The following DISC1 variants were observed in gnomAD, a reference collection of about 807,000 sequenced individuals.
DISC1 encodes DISC1 scaffold protein, also known as disrupted in schizophrenia 1 protein.
In DISC1, 57 loss-of-function variants were observed where a neutral mutation model predicts 84.5. That is an observed-to-expected ratio of 0.67 (90% CI 0.55 to 0.84). DISC1 has a LOEUF of 0.84. Ranked by LOEUF, DISC1 falls within the 40% of genes least tolerant of loss-of-function variation. The pLI, the probability that DISC1 is intolerant of heterozygous loss-of-function variation, is 0.00. For missense variants in DISC1, 1,000 were observed against 1,057.8 expected (o/e 0.95, Z 0.76); for synonymous variants, 411 against 415.2 (o/e 0.99, Z 0.12).
intron 9 of DISC1, among the ~76,000 whole-genome samples, chr1:231,905,189 C>T (rs148926703): frequency 3.9e-5 from 6 of 152,312 alleles, no homozygotes; most frequent in African/African-American, 1.4e-4. Flanking sequence ...AGCACCATGA[C>T]ATCAGATCTG....
chr1:231,866,070 C>T (rs2085032028), intron 9 of DISC1, among the ~76,000 whole-genome samples: 1 of 152,124 alleles, frequency 6.6e-6, no homozygotes, highest in African/African-American at 2.4e-5. Context: ...ACTCATTACT[C>T]CTGTGTCCAG....
chr1:231,907,138 T>C (rs1416004057), intron 9 of DISC1, among the ~76,000 whole-genome samples: 2 of 56,884 alleles, frequency 3.5e-5, no homozygotes, highest in African/African-American at 1.6e-4. Flanking sequence ...TTCCTCTTTC[T>C]TTCTTTCTTT....
At chr1:231,892,305 A>G (rs193293943) in intron 9 of DISC1, among the ~76,000 whole-genome samples, 14 of 152,342 alleles carry the variant, frequency 9.2e-5, no homozygotes, top group Admixed American at 2.0e-4. Context: ...TGAAACACAG[A>G]GAATTCTTGG....
chr1:232,013,603 A>C (rs974284404), intron 11 of DISC1, among the ~76,000 whole-genome samples: 1 of 152,186 alleles, frequency 6.6e-6, no homozygotes, highest in Admixed American at 6.5e-5. Flanking sequence ...AGGAAAAACT[A>C]TTTTTATGCT....
intron 3 of DISC1, among the ~76,000 whole-genome samples, chr1:231,730,763 C>T (rs1183718928): frequency 6.6e-6 from 1 of 152,114 alleles, no homozygotes; most frequent in Non-Finnish European, 1.5e-5. Context: ...TAATAAACTT[C>T]AGTTTTCAGT....
At chr1:231,862,465 T>G (rs2125926483) in intron 9 of DISC1, among the ~76,000 whole-genome samples, 1 of 152,382 alleles carries the variant, frequency 6.6e-6, no homozygotes, top group South Asian at 2.1e-4. Flanking sequence ...AATAGTCTGC[T>G]TATGAAAGAA....
intron 1 of DISC1, 96 bp downstream of exon 1, chr1:231,627,030 GC>G: frequency 3.5e-6 from 3 of 861,468 alleles, no homozygotes; most frequent in Non-Finnish European, 5.1e-6. Context: ...GTCAGGGCGT[GC>G]CTCTGTTAAC....
intron 1 of DISC1, among the ~76,000 whole-genome samples, chr1:231,635,527 A>G (rs767539571): frequency 2.0e-5 from 3 of 152,216 alleles, no homozygotes; most frequent in African/African-American, 2.4e-5. Flanking sequence ...TCTGACTCCA[A>G]TGTAGACTTC....
chr1:231,816,669 T>G (rs1390933179), intron 8 of DISC1, among the ~76,000 whole-genome samples: 1 of 152,242 alleles, frequency 6.6e-6, no homozygotes, highest in Non-Finnish European at 1.5e-5. Context: ...GAAAATACTT[T>G]CTTTTCCTCA....
At chr1:231,665,366 G>A (rs1465060700) in intron 1 of DISC1, among the ~76,000 whole-genome samples, 1 of 152,082 alleles carries the variant, frequency 6.6e-6, no homozygotes, top group Non-Finnish European at 1.5e-5. Context: ...GGACTCATAC[G>A]AAGTGCCACT....
At chr1:231,999,296 T>A (rs1336801168) in intron 10 of DISC1, among the ~76,000 whole-genome samples, 1 of 152,148 alleles carries the variant, frequency 6.6e-6, no homozygotes, top group African/African-American at 2.4e-5. Context: ...GAAATCTGCC[T>A]TGGGACTGCA....
At chr1:231,878,235 C>G (rs1426202883) in intron 9 of DISC1, among the ~76,000 whole-genome samples, 1 of 152,112 alleles carries the variant, frequency 6.6e-6, no homozygotes, top group Non-Finnish European at 1.5e-5. Flanking sequence ...AACAAAGACA[C>G]AGACAGGCAA....
At chr1:231,676,136 C>G (rs940125645) in intron 1 of DISC1, among the ~76,000 whole-genome samples, 2 of 152,184 alleles carry the variant, frequency 1.3e-5, no homozygotes, top group Non-Finnish European at 2.9e-5. Context: ...CATGGGCCAC[C>G]GCCCCCATCG....
At chr1:232,036,597 C>T in intron 12 of DISC1, 95 bp from the exon 13 acceptor site, 1 of 1,217,262 alleles carries the variant, frequency 8.2e-7, no homozygotes, top group Non-Finnish European at 1.1e-6. Flanking sequence ...TGTCAGTACC[C>T]ATCTGCTTCC....
intron 11 of DISC1, among the ~76,000 whole-genome samples, chr1:232,025,748 C>G (rs968163442): frequency 6.6e-6 from 1 of 152,136 alleles, no homozygotes; most frequent in Non-Finnish European, 1.5e-5. Flanking sequence ...AGGCGCCCGC[C>G]ACTACGCCCG....
chr1:231,807,690 G>A (rs1404836905), intron 8 of DISC1, among the ~76,000 whole-genome samples: 1 of 152,164 alleles, frequency 6.6e-6, no homozygotes, highest in Non-Finnish European at 1.5e-5. Context: ...CCAGCTTCTG[G>A]ATGCTGGAAG....
At chr1:231,866,238 C>T (rs1004982989) in intron 9 of DISC1, among the ~76,000 whole-genome samples, 3 of 152,060 alleles carry the variant, frequency 2.0e-5, no homozygotes, top group Non-Finnish European at 4.4e-5. Context: ...GACAGAAACC[C>T]GGGCCCTAGA....
At position 231,863,220 on chromosome 1, in the gene DISC1, C is replaced by CTTTT. The variant is rs533463099; in HGVS notation, c.1981+44732_1981+44735dup. 2.6e-3 allele frequency among the ~76,000 whole-genome samples: 144 copies of CTTTT among 54,778 alleles called. 15 individuals carry two copies. Among genetic ancestry groups the CTTTT allele is most frequent in the Admixed American group, 3.3e-3 (11 of 3,290 alleles). The allele number at this position is 54,778 out of a possible 152,430, so 35.9% of individuals were successfully genotyped here. A position where few individuals can be genotyped will look rare whatever the true frequency, so the allele number is the denominator to read the frequency against. ...TGATTGACATAGTTTATAAAATGTT[C>CTTTT]TTTTTTTTTTTTTTTTTTTTTTTTT... On this transcript the variant is annotated intron_variant, in intron 9 of 12. Transcript: ENST00000439617.
chr1:231,898,153 T>C (rs1453924699), intron 9 of DISC1, among the ~76,000 whole-genome samples: 5 of 152,232 alleles, frequency 3.3e-5, no homozygotes. Context: ...ATATTCACTT[T>C]AGGTCATTTA....
Sources: gnomAD v4.1 joint callset for allele counts (sites outside exome capture counted in the v4.1 genomes callset) on GRCh38, gnomAD v4.1.1 for gene constraint, MANE v1.5 for transcripts, NCBI Gene and HGNC (gene_info 2026-07-23, HGNC 2026-07-21) for gene names.